The following CATSPERG variants were observed in gnomAD, a reference collection of about 807,000 sequenced individuals.
CATSPERG encodes the protein cation channel sperm-associated auxiliary subunit gamma.
A neutral mutation model predicts 145.0 loss-of-function variants in CATSPERG; 115 were observed. The observed-to-expected ratio is 0.79, with a 90% CI of 0.68 to 0.93. The LOEUF is 0.93. Ranked by LOEUF, CATSPERG falls within the 40% of genes least tolerant of loss-of-function variation. The pLI is 0.00. For missense variants in CATSPERG, 1,296 were observed against 1,490.1 expected (o/e 0.87, Z 2.14); for synonymous variants, 588 against 589.0 (o/e 1.00, Z 0.02).
At chr19:38,363,691 A>C (rs1970393866) in intron 20 of CATSPERG, among the ~76,000 whole-genome samples, 1 of 151,830 alleles carries the variant, frequency 6.6e-6, no homozygotes, top group African/African-American at 2.4e-5. Flanking sequence ...GCCTTCAAGC[A>C]TCTGTTTAAC....
At chr19:38,345,267 T>C (rs1489355968) in intron 6 of CATSPERG, among the ~76,000 whole-genome samples, 1 of 150,904 alleles carries the variant, frequency 6.6e-6, no homozygotes, top group African/African-American at 2.4e-5. Context: ...CTAATAATTT[T>C]TTTATTTTTT....
chr19:38,367,228 C>T lies in CATSPERG; in HGVS notation c.2686C>T (p.Leu896=). ...CCTGGCCTTCGACATCACCTACACG[C>T]TGGAATACAGCCGCCTGAAGAACAA... is the stretch of plus-strand genomic sequence containing the variant. ...KRLAFDITYT[L]EYSRLKNKHY... is the part of the protein sequence containing the mutation. The change falls in exon 23 of 29, where the codon CTG becomes TTG. Residue 896 remains leucine, a synonymous_variant. Coordinates refer to ENST00000409235, the MANE Select transcript of CATSPERG (RefSeq NM_021185.5). The T allele has an allele frequency of 6.2e-7, 1 of 1,614,012 alleles. No individual in the cohort carries two copies. The highest frequency in any genetic ancestry group is 8.5e-7 in the Non-Finnish European group (1 of 1,179,996).
rs2286547 is a variant in CATSPERG, at chr19:38,369,963, G to T, written c.3021-9G>T. On this transcript the variant is annotated splice_polypyrimidine_tract_variant and intron_variant, in intron 26 of 28. Transcript: ENST00000409235. ...TTGGTAGCACAACTGCCTGATCTTT[G>T]GCTTGCAGGTGGCTCTGTCTGGAGA... 0.026 allele frequency: 42,745 copies of T among 1,613,754 alleles called. 1,402 individuals carry two copies. The highest frequency in any genetic ancestry group is 0.15 in the East Asian group (6,634 of 44,882).
At chr19:38,361,581 C>T (rs1456807257) in intron 16 of CATSPERG, 67 bp from the exon 17 acceptor site, 2 of 1,290,276 alleles carry the variant, frequency 1.6e-6, no homozygotes, top group Non-Finnish European at 2.2e-6. Context: ...GGGAAAGAGG[C>T]CTGCGGAAGC....
At chr19:38,336,375 C>A in intron 1 of CATSPERG, 1 of 335,636 alleles carries the variant, frequency 3.0e-6, no homozygotes, top group South Asian at 2.1e-5. Flanking sequence ...GACGGGCCCG[C>A]GCGGGAAGAA....
intron 6 of CATSPERG, among the ~76,000 whole-genome samples, chr19:38,344,776 C>T (rs1970002099): frequency 7.5e-6 from 1 of 134,104 alleles, no homozygotes; most frequent in African/African-American, 2.8e-5. Context: ...CCTGTACATA[C>T]ATATATAGTA....
intron 28 of CATSPERG, 130 bp downstream of exon 28, chr19:38,370,388 T>C (rs1450926252): frequency 5.7e-6 from 8 of 1,395,350 alleles, no homozygotes; most frequent in Non-Finnish European, 8.1e-6. Flanking sequence ...ACGCCTGCCA[T>C]GCCACAGGCT....
At chr19:38,352,918 C>T (rs889106865) in intron 8 of CATSPERG, among the ~76,000 whole-genome samples, 4 of 149,454 alleles carry the variant, frequency 2.7e-5, no homozygotes, top group African/African-American at 7.4e-5. Context: ...CCAGACTATT[C>T]AAGAGGCTGA....
intron 26 of CATSPERG, chr19:38,369,650 G>T (rs1446799142): frequency 7.7e-6 from 3 of 387,934 alleles, no homozygotes; most frequent in African/African-American, 6.2e-5. Context: ...ATATTTATGG[G>T]ATAAAGGAAT....
At chr19:38,337,706 A>G (rs1969866306) in intron 3 of CATSPERG, 60 bp downstream of exon 3, 1 of 1,342,660 alleles carries the variant, frequency 7.4e-7, no homozygotes, top group Non-Finnish European at 1.0e-6. Context: ...CACCTCTAAC[A>G]TTTTTATTTA....
chr19:38,356,454 C>T (rs768920618), intron 9 of CATSPERG, 30 bp from the exon 10 acceptor site: 3 of 1,610,882 alleles, frequency 1.9e-6, no homozygotes, highest in Middle Eastern at 1.7e-4. Context: ...AGGGAGAGGG[C>T]CTGAACATGA....
At chr19:38,358,141 T>C in intron 11 of CATSPERG, 137 bp from the exon 12 acceptor site, 1 of 760,910 alleles carries the variant, frequency 1.3e-6, no homozygotes, top group East Asian at 2.6e-5. Context: ...GAAAAGAAAC[T>C]CTAAGGACTA....
In CATSPERG at chr19:38,344,898, TATA is replaced by T. The variant is rs201463781; in HGVS notation, c.669+531_669+533del. ...ACACACACACATATATATATATATATATATTTTTTTTTTTTTTTTTTTTTTTGA... is the reference window on the plus strand; with the variant it reads ...ACACACACACATATATATATATATATTTTTTTTTTTTTTTTTTTTTTTTGA... On this transcript the variant is annotated intron_variant, in intron 6 of 28. Transcript: ENST00000409235. 4.5e-3 allele frequency among the ~76,000 whole-genome samples: 480 copies of T among 106,254 alleles called. 36 individuals are homozygous for T. The highest frequency in any genetic ancestry group is 0.013 in the African/African-American group (360 of 27,686). 69.7% of individuals were successfully genotyped at this position (106,254 alleles called of 152,430 possible). A position where few individuals can be genotyped will look rare whatever the true frequency, so the allele number is the denominator to read the frequency against.
chr19:38,370,318 A>G, intron 28 of CATSPERG, 60 bp downstream of exon 28: 1 of 1,500,192 alleles, frequency 6.7e-7, no homozygotes, highest in African/African-American at 1.4e-5. Flanking sequence ...CTCCATACCT[A>G]TGCTTGTTAT....
chr19:38,350,323 C>T (rs1250721973), intron 7 of CATSPERG, among the ~76,000 whole-genome samples: 1 of 152,180 alleles, frequency 6.6e-6, no homozygotes, highest in Non-Finnish European at 1.5e-5. Flanking sequence ...CAAACAGTAT[C>T]ACTGAGACGG....
intron 22 of CATSPERG, chr19:38,365,872 T>C (rs1970440275): frequency 6.6e-6 from 1 of 152,102 alleles, no homozygotes; most frequent in African/African-American, 2.4e-5. Context: ...CATGCCTAGC[T>C]AATTTTTTAT....
At chr19:38,359,620 C>A in intron 14 of CATSPERG, 39 bp downstream of exon 14, 1 of 1,583,510 alleles carries the variant, frequency 6.3e-7, no homozygotes, top group Middle Eastern at 2.2e-4. Context: ...CCTCTCTGCC[C>A]ACCCCCAAAC....
chr19:38,351,718 G>A (rs1970144663), intron 7 of CATSPERG, among the ~76,000 whole-genome samples: 1 of 152,104 alleles, frequency 6.6e-6, no homozygotes, highest in Non-Finnish European at 1.5e-5. Context: ...ACCAGCCTGG[G>A]TAACATAGCG....
chr19:38,369,841 G>A (rs1489795381), intron 26 of CATSPERG, 131 bp from the exon 27 acceptor site: 7 of 812,236 alleles, frequency 8.6e-6, no homozygotes, highest in Admixed American at 1.8e-5. Flanking sequence ...GTGAATGAAG[G>A]AATGAATGAG....
Sources: allele counts gnomAD v4.1 joint callset (sites outside exome capture counted in the v4.1 genomes callset), GRCh38; gene constraint gnomAD v4.1.1; transcripts MANE v1.5; gene names NCBI Gene and HGNC (gene_info 2026-07-23, HGNC 2026-07-21).